PTPRM: variants seen among roughly 807,000 people sequenced by gnomAD.
PTPRM encodes protein tyrosine phosphatase receptor type M, also known as receptor-type tyrosine-protein phosphatase mu.
A neutral mutation model predicts 186.7 loss-of-function variants in PTPRM; 47 were observed. The ratio of observed to expected loss-of-function variants is 0.25; its 90% CI spans 0.20 to 0.32. The LOEUF (loss-of-function observed/expected upper bound fraction) is 0.32, where lower values mean the gene tolerates loss of function less well. Ranked by LOEUF, PTPRM falls within the 10% of genes least tolerant of loss-of-function variation. The pLI is 1.00. For synonymous variants in PTPRM, 668 were observed against 674.9 expected (o/e 0.99, Z 0.16); for missense variants, 1,494 against 1,865.0 (o/e 0.80, Z 3.66).
intron 4 of PTPRM, among the ~76,000 whole-genome samples, chr18:7,918,251 A>G (rs986699493): frequency 6.6e-6 from 1 of 152,128 alleles, no homozygotes; most frequent in Non-Finnish European, 1.5e-5. Flanking sequence ...TTGGATATAT[A>G]CCAAGTAGTG....
intron 2 of PTPRM, among the ~76,000 whole-genome samples, chr18:7,794,566 A>G (rs916494958): frequency 5.3e-5 from 8 of 152,152 alleles, no homozygotes; most frequent in Non-Finnish European, 1.2e-4. Context: ...TTATCTTCCA[A>G]AAAGGATATA....
At chr18:8,152,712 CTTTTT>C (rs35112154) in intron 14 of PTPRM, among the ~76,000 whole-genome samples, 1 of 56,946 alleles carries the variant, frequency 1.8e-5, no homozygotes, top group Non-Finnish European at 2.9e-5. Context: ...TGCCTCACCT[CTTTTT>C]TTTTTTTTTT....
intron 1 of PTPRM, among the ~76,000 whole-genome samples, chr18:7,767,462 T>C (rs2042067373): frequency 6.6e-6 from 1 of 152,190 alleles, no homozygotes; most frequent in Non-Finnish European, 1.5e-5. Context: ...TTGTTTTGTC[T>C]CCAGGCCTGA....
At chr18:7,613,462 C>T (rs1238654574) in intron 1 of PTPRM, among the ~76,000 whole-genome samples, 1 of 152,126 alleles carries the variant, frequency 6.6e-6, no homozygotes, top group Non-Finnish European at 1.5e-5. Flanking sequence ...ATCATGAGGT[C>T]AGGAGATCAA....
intron 7 of PTPRM, among the ~76,000 whole-genome samples, chr18:7,962,333 A>C (rs937293788): frequency 6.6e-6 from 1 of 152,212 alleles, no homozygotes; most frequent in Non-Finnish European, 1.5e-5. Flanking sequence ...GTTCCTTCAC[A>C]GTAAGGACCC....
intron 2 of PTPRM, among the ~76,000 whole-genome samples, chr18:7,793,723 T>C (rs767954016): frequency 6.6e-6 from 1 of 152,154 alleles, no homozygotes. Context: ...ATGCCCGGCC[T>C]GTGCTCAGGG....
chr18:8,254,624 T>C (rs1352712027), intron 19 of PTPRM, among the ~76,000 whole-genome samples: 1 of 152,236 alleles, frequency 6.6e-6, no homozygotes, highest in Admixed American at 6.5e-5. Context: ...AATCTGTTTC[T>C]ACCACCTGGA....
chr18:8,253,179 C>A, intron 18 of PTPRM, 48 bp from the exon 19 acceptor site: 1 of 1,334,582 alleles, frequency 7.5e-7, no homozygotes, highest in Non-Finnish European at 9.8e-7. Context: ...TGATGCCGAC[C>A]TAGCTCCCTG....
Position 8,244,207 on chromosome 18 carries a change from G to A in PTPRM, c.2450G>A (p.Arg817Lys), listed in dbSNP as rs199528199. The change falls in exon 15 of 33, where the codon AGA (arginine) becomes AAA (lysine). Residue 817 changes from arginine (R) to lysine (K), a missense_variant and splice_region_variant. This residue lies in a region of PTPRM where 1,107 missense variants were observed against 1,350.2 expected (regional missense o/e 0.82). Transcript: ENST00000580170. ...SFMDTHNLNG[R>K]SVSSPSSFTM... ...ATGGACACGCACAATCTGAATGGGAGATGTAAGTGCATATGTTTCTTGGCT... is the reference window on the plus strand; with the variant it reads ...ATGGACACGCACAATCTGAATGGGAAATGTAAGTGCATATGTTTCTTGGCT... 7.2e-5 allele frequency: 112 copies of A among 1,552,660 alleles called. No individual in the cohort carries two copies. Among genetic ancestry groups the A allele is most frequent in the African/African-American group, 1.4e-5 (1 of 70,636 alleles).
At chr18:7,652,057 G>A (rs869132896) in intron 1 of PTPRM, among the ~76,000 whole-genome samples, 2 of 152,018 alleles carry the variant, frequency 1.3e-5, no homozygotes, top group East Asian at 1.9e-4. Flanking sequence ...AATTTACAAG[G>A]AAAAAACAAA....
At chr18:8,123,564 G>C (rs1350081198) in intron 13 of PTPRM, among the ~76,000 whole-genome samples, 1 of 152,082 alleles carries the variant, frequency 6.6e-6, no homozygotes, top group African/African-American at 2.4e-5. Flanking sequence ...CAGTTCTGTT[G>C]CCCTTGCCTG....
At chr18:7,804,471 C>T (rs1021727378) in intron 2 of PTPRM, among the ~76,000 whole-genome samples, 1 of 152,132 alleles carries the variant, frequency 6.6e-6, no homozygotes, top group Non-Finnish European at 1.5e-5. Context: ...AGCTTTGTAA[C>T]CAAAATTCAA....
chr18:8,366,247 C>G lies in PTPRM; in HGVS notation c.3055-4643C>G, dbSNP rs572024052. 2.0e-5 allele frequency among the ~76,000 whole-genome samples: 3 copies of G among 152,220 alleles called. No homozygotes were observed. In the East Asian group the frequency reaches 5.8e-4, roughly 29 times the overall value. Reference sequence around the variant, plus strand: ...GCCCCTCAAGCTCACGTCCACACTGCGTGAGAGCCAGCACTCCAGCCTGGC... The same window carrying G: ...GCCCCTCAAGCTCACGTCCACACTGGGTGAGAGCCAGCACTCCAGCCTGGC... On this transcript the variant is annotated intron_variant, in intron 23 of 32. Coordinates refer to ENST00000580170, the MANE Select transcript of PTPRM (RefSeq NM_001105244.2).
rs781184124 is a variant in PTPRM at position 8,384,547 on chromosome 18, T to C, written c.3919-14T>C. 3.7e-6 allele frequency: 6 copies of C among 1,614,014 alleles called. No individual in the cohort carries two copies. In the South Asian group the frequency reaches 5.5e-5, roughly 15 times the overall value. Reference sequence around the variant, plus strand: ...TCTTATAACTAACCTTGTGTTTATATGTTTTGAATTCAGTTGTGTCCACAG... The same window carrying C: ...TCTTATAACTAACCTTGTGTTTATACGTTTTGAATTCAGTTGTGTCCACAG... On this transcript the variant is annotated splice_polypyrimidine_tract_variant and intron_variant, in intron 29 of 32. Coordinates refer to ENST00000580170, the MANE Select transcript of PTPRM (RefSeq NM_001105244.2).
chr18:7,996,273 T>A (rs1315394406), intron 7 of PTPRM, among the ~76,000 whole-genome samples: 1 of 152,114 alleles, frequency 6.6e-6, no homozygotes, highest in Non-Finnish European at 1.5e-5. Flanking sequence ...ATGAATGTGA[T>A]ACACTACATC....
chr18:8,377,679 ACT>A (rs1171196847), intron 26 of PTPRM: 1 of 152,176 alleles, frequency 6.6e-6, no homozygotes, highest in African/African-American at 2.4e-5. Context: ...ATATGATAAG[ACT>A]CTACCAATGA....
rs57132386 is a variant in PTPRM at position 7,700,619 on chromosome 18, G to A, written c.74-73530G>A. On this transcript the variant is annotated intron_variant, in intron 1 of 32. Transcript: ENST00000580170. ...TCTGTAGTCACACTGGGTAGAGGTA[G>A]AGGCAACCACAAAATTATTCTTAAG... Among the ~76,000 whole-genome samples, 386 of 152,320 alleles carry A rather than the reference G, an allele frequency of 2.5e-3. 1 individual carries two copies. The highest frequency in any genetic ancestry group is 7.8e-3 in the African/African-American group (326 of 41,574).
intron 2 of PTPRM, among the ~76,000 whole-genome samples, chr18:7,865,792 G>C (rs971418723): frequency 6.6e-6 from 1 of 152,072 alleles, no homozygotes; most frequent in African/African-American, 2.4e-5. Flanking sequence ...GATAGAATTC[G>C]GCTGTGAATC....
At chr18:7,781,631 G>A (rs935057277) in intron 2 of PTPRM, among the ~76,000 whole-genome samples, 1 of 152,014 alleles carries the variant, frequency 6.6e-6, no homozygotes, top group Admixed American at 6.6e-5. Context: ...AGTCCCCATT[G>A]TCTATCATTC....
Sources: allele counts gnomAD v4.1 joint callset (sites outside exome capture counted in the v4.1 genomes callset), GRCh38; gene constraint gnomAD v4.1.1; regional missense constraint gnomAD v4.1.1; transcripts MANE v1.5; gene names NCBI Gene and HGNC (gene_info 2026-07-23, HGNC 2026-07-21).